Variants in CDH18 observed in about 807,000 individuals in gnomAD.
CDH18 encodes cadherin 18.
Under a neutral mutation model 67.9 loss-of-function variants are expected in CDH18, and 31 were observed. The ratio of observed to expected loss-of-function variants is 0.46; its 90% CI spans 0.34 to 0.62. CDH18 has a LOEUF of 0.62. CDH18 is among the 20% of genes least tolerant of loss of function. The probability of loss-of-function intolerance (pLI) is 0.01; values close to 1 mark genes in which losing one functional copy is unlikely to be tolerated. For synonymous variants in CDH18, 362 were observed against 347.2 expected, an observed-to-expected ratio of 1.04 and a Z score of -0.48; for missense variants, 890 against 975.5, an observed-to-expected ratio of 0.91 and a Z score of 1.17.
intron 2 of CDH18, among the ~76,000 whole-genome samples, chr5:20,224,505 AG>A: frequency 7.0e-6 from 1 of 142,554 alleles, no homozygotes; most frequent in Non-Finnish European, 1.5e-5. Context: ...GATTTTCGCC[AG>A]GCAAAATCCT....
chr5:20,249,450 T>A (rs965878538), intron 2 of CDH18, among the ~76,000 whole-genome samples: 1 of 150,208 alleles, frequency 6.7e-6, no homozygotes, highest in South Asian at 2.1e-4. Flanking sequence ...TGGCGCGATA[T>A]TGGCTCACTG....
intron 2 of CDH18, among the ~76,000 whole-genome samples, chr5:20,209,934 G>A (rs1006912353): frequency 3.3e-5 from 5 of 151,174 alleles, no homozygotes; most frequent in Non-Finnish European, 7.4e-5. Flanking sequence ...ATTATCACAT[G>A]TACCCCCAAA....
chr5:19,765,949 G>A (rs1773034750), intron 3 of CDH18, among the ~76,000 whole-genome samples: 1 of 151,424 alleles, frequency 6.6e-6, no homozygotes, highest in Admixed American at 6.6e-5. Flanking sequence ...ACATGAACTC[G>A]GCTCACTGCA....
intron 1 of CDH18, among the ~76,000 whole-genome samples, chr5:20,421,187 T>C (rs1181097646): frequency 6.6e-6 from 1 of 151,098 alleles, no homozygotes; most frequent in African/African-American, 2.5e-5. Context: ...TGTAGCTTTG[T>C]GCACCATCAG....
chr5:20,181,869 C>T (rs761912452), intron 2 of CDH18, among the ~76,000 whole-genome samples: 8 of 152,064 alleles, frequency 5.3e-5, no homozygotes, highest in East Asian at 1.9e-4. Flanking sequence ...TGTTTAAAGC[C>T]ACATAGTAAC....
intron 5 of CDH18, among the ~76,000 whole-genome samples, chr5:19,689,986 A>G (rs1425487178): frequency 1.3e-5 from 2 of 151,638 alleles, no homozygotes; most frequent in Admixed American, 6.6e-5. Flanking sequence ...AAAACAGGCT[A>G]TAAGTCAAAC....
chr5:19,867,693 GAT>G (rs1193138161), intron 2 of CDH18, among the ~76,000 whole-genome samples: 1 of 107,908 alleles, frequency 9.3e-6, no homozygotes, highest in African/African-American at 3.4e-5. Context: ...TGTATAATAA[GAT>G]ATGCATATAA....
Position 20,004,077 on chromosome 5 carries a change from T to C in CDH18, c.-517-12063A>G, listed in dbSNP as rs144861335. ...ACGTGTGCTCTTATCTGAAGCCAAC[T>C]ACTTGCTGTTTGCTCGCAATCCAAA... On this transcript the variant is annotated intron_variant, in intron 2 of 14. Coordinates refer to the CDH18 transcript ENST00000507958. Among the ~76,000 whole-genome samples the C allele has an allele frequency of 3.5e-4, 54 of 152,372 alleles. No individual in the cohort carries two copies. The East Asian group carries it at 7.1e-3, about 20-fold the overall frequency.
intron 10 of CDH18, among the ~76,000 whole-genome samples, chr5:19,514,386 G>A (rs1295476379): frequency 6.6e-6 from 1 of 152,178 alleles, no homozygotes; most frequent in African/African-American, 2.4e-5. Flanking sequence ...GGGTCAAATG[G>A]TATTTCTATT....
intron 1 of CDH18, among the ~76,000 whole-genome samples, chr5:20,306,838 TTTAA>T (rs1194113159): frequency 1.3e-5 from 2 of 148,684 alleles, no homozygotes; most frequent in Non-Finnish European, 3.0e-5. Flanking sequence ...AATTTATTGA[TTTAA>T]TTTGTTTAAT....
intron 2 of CDH18, among the ~76,000 whole-genome samples, chr5:20,144,048 G>A (rs1049628644): frequency 1.3e-5 from 2 of 152,160 alleles, no homozygotes; most frequent in East Asian, 3.9e-4. Context: ...CAGCAGAAAC[G>A]CTGCCTGCCT....
chr5:20,338,550 G>A (rs1739980123), intron 1 of CDH18, among the ~76,000 whole-genome samples: 2 of 152,320 alleles, frequency 1.3e-5, no homozygotes, highest in South Asian at 4.1e-4. Context: ...AAAGAAGAAA[G>A]CATAGCTAGA....
chr5:20,501,717 T>TTG (rs1170488048), intron 1 of CDH18, among the ~76,000 whole-genome samples: 5,749 of 121,172 alleles, frequency 0.047, 170 homozygotes, highest in South Asian at 0.087. Flanking sequence ...TCTTAAGGAT[T>TTG]TGTGTGTGTG....
intron 5 of CDH18, among the ~76,000 whole-genome samples, chr5:19,661,748 GA>G (rs1288787504): frequency 1.3e-5 from 2 of 152,014 alleles, no homozygotes; most frequent in Non-Finnish European, 2.9e-5. Flanking sequence ...ACTCTACAGG[GA>G]AAAATGAAAC....
chr5:20,374,681 A>G (rs1456128398), intron 1 of CDH18, among the ~76,000 whole-genome samples: 1 of 152,184 alleles, frequency 6.6e-6, no homozygotes, highest in African/African-American at 2.4e-5. Context: ...GAACAAATAA[A>G]ACTTCAGGGA....
chr5:20,202,547 A>AT (rs987396027), intron 2 of CDH18, among the ~76,000 whole-genome samples: 8 of 151,988 alleles, frequency 5.3e-5, no homozygotes, highest in South Asian at 2.1e-4. Context: ...ATCTCCTTTA[A>AT]TTTTTTTCTG....
chr5:20,527,191 G>GTCTT (rs1756123342), intron 1 of CDH18, among the ~76,000 whole-genome samples: 1 of 53,538 alleles, frequency 1.9e-5, no homozygotes, highest in Non-Finnish European at 5.7e-5. Context: ...CTGAAATAAG[G>GTCTT]CAGGCAGACA....
chr5:19,925,412 A>G (rs1278542233), intron 2 of CDH18, among the ~76,000 whole-genome samples: 1 of 152,208 alleles, frequency 6.6e-6, no homozygotes. Context: ...AACGCAAGAC[A>G]TCACTTTTTA....
chr5:20,001,781 C>T (rs192848049), intron 2 of CDH18, among the ~76,000 whole-genome samples: 51 of 152,264 alleles, frequency 3.3e-4, no homozygotes, highest in Admixed American at 2.7e-3. Context: ...AATTACACCA[C>T]AGGCTTAGGT....
Sources: allele counts gnomAD v4.1 joint callset (sites outside exome capture counted in the v4.1 genomes callset), GRCh38; gene constraint gnomAD v4.1.1; transcripts MANE v1.5; gene names NCBI Gene and HGNC (gene_info 2026-07-23, HGNC 2026-07-21).